The following MPP7 variants were observed in gnomAD, a reference collection of about 807,000 sequenced individuals.
MPP7 encodes MAGUK p55 subfamily member 7.
A neutral mutation model predicts 76.5 loss-of-function variants in MPP7; 60 were observed. The ratio of observed to expected loss-of-function variants is 0.78; its 90% CI spans 0.64 to 0.97. The LOEUF (loss-of-function observed/expected upper bound fraction) is 0.97. MPP7 is among the 50% of genes least tolerant of loss of function. The pLI is 0.00. For synonymous variants in MPP7, 237 were observed against 244.5 expected, an observed-to-expected ratio of 0.97 and a Z score of 0.29; for missense variants, 641 against 694.0, an observed-to-expected ratio of 0.92 and a Z score of 0.86.
chr10:28,213,585 G>C (rs1838213786), intron 2 of MPP7, among the ~76,000 whole-genome samples: 1 of 151,914 alleles, frequency 6.6e-6, no homozygotes, highest in Admixed American at 6.6e-5. Flanking sequence ...AAGAGGTCAG[G>C]AGTTCAAGAC....
intron 3 of MPP7, among the ~76,000 whole-genome samples, chr10:28,164,332 G>A (rs1408216359): frequency 6.6e-6 from 1 of 151,940 alleles, no homozygotes; most frequent in Non-Finnish European, 1.5e-5. Flanking sequence ...CTTTTTAATG[G>A]TGAGCTCACC....
chr10:28,208,397 T>C (rs1013233309), intron 2 of MPP7, among the ~76,000 whole-genome samples: 5 of 152,108 alleles, frequency 3.3e-5, no homozygotes, highest in African/African-American at 7.2e-5. Flanking sequence ...GGGGTGTATA[T>C]AACAGTGACA....
At chr10:28,153,496 C>T (rs1206613613) in intron 3 of MPP7, among the ~76,000 whole-genome samples, 1 of 152,072 alleles carries the variant, frequency 6.6e-6, no homozygotes, top group East Asian at 1.9e-4. Context: ...AATCTATATA[C>T]ATTATGCTCT....
At chr10:28,229,846 G>A (rs1344807934) in intron 2 of MPP7, among the ~76,000 whole-genome samples, 1 of 151,180 alleles carries the variant, frequency 6.6e-6, no homozygotes, top group Non-Finnish European at 1.5e-5. Flanking sequence ...CTGAGATCAC[G>A]CCACTGCACT....
chr10:28,114,921 CAGTT>C (rs1392077064), intron 11 of MPP7, among the ~76,000 whole-genome samples: 1 of 152,184 alleles, frequency 6.6e-6, no homozygotes, highest in African/African-American at 2.4e-5. Flanking sequence ...TGAGCAGTAA[CAGTT>C]AGAAGGTTCT....
At chr10:28,121,669 G>A (rs1834845670) in intron 8 of MPP7, among the ~76,000 whole-genome samples, 1 of 152,000 alleles carries the variant, frequency 6.6e-6, no homozygotes, top group Non-Finnish European at 1.5e-5. Flanking sequence ...CATAAGATAT[G>A]TTACTCCTGC....
At chr10:28,259,877 G>A (rs1175248629) in intron 1 of MPP7, among the ~76,000 whole-genome samples, 1 of 151,848 alleles carries the variant, frequency 6.6e-6, no homozygotes, top group Non-Finnish European at 1.5e-5. Flanking sequence ...CAACTGCTCA[G>A]GAGGCTGAGG....
chr10:28,291,775 T>C (rs1215326555), intron 1 of MPP7, among the ~76,000 whole-genome samples: 1 of 152,240 alleles, frequency 6.6e-6, no homozygotes, highest in Non-Finnish European at 1.5e-5. Flanking sequence ...TGAAGCTGTG[T>C]TATTACAAAA....
intron 2 of MPP7, among the ~76,000 whole-genome samples, chr10:28,212,319 G>A (rs73608071): frequency 0.1 from 15,820 of 152,088 alleles, 1,417 homozygotes; most frequent in East Asian, 0.4. Flanking sequence ...GATTTTCAAG[G>A]AAGAACTTAA....
At chr10:28,128,160 C>A (rs991317055) in intron 6 of MPP7, among the ~76,000 whole-genome samples, 1 of 152,004 alleles carries the variant, frequency 6.6e-6, no homozygotes, top group African/African-American at 2.4e-5. Context: ...GGGGCACAAC[C>A]TAGGAGGACC....
In MPP7 at chr10:28,231,948, A is replaced by G. The variant is rs910758601; in HGVS notation, c.37+6620T>C. Among the ~76,000 whole-genome samples the G allele has an allele frequency of 7.2e-4, 109 of 152,208 alleles. 5 individuals carry two copies. Among genetic ancestry groups the G allele is most frequent in the Non-Finnish European group, 4.4e-5 (3 of 68,032 alleles). On this transcript the variant is annotated intron_variant, in intron 2 of 16. Coordinates refer to ENST00000683449, the MANE Select transcript of MPP7 (RefSeq NM_001318170.2). The stretch of plus-strand genomic sequence containing the variant: ...CAACTGAACTCACTCATCAACATAG[A>G]TCTCAAAATTCTAAACAAAATACGA...
intron 4 of MPP7, among the ~76,000 whole-genome samples, 184 bp downstream of exon 4, chr10:28,149,798 A>G (rs542774191): frequency 6.6e-5 from 10 of 152,364 alleles, no homozygotes; most frequent in African/African-American, 2.2e-4. Context: ...TTAGAACAGA[A>G]AAGTGAATGG....
At chr10:28,306,715 TGATA>T (rs1350059151), upstream of MPP7, among the ~76,000 whole-genome samples, 2 of 148,650 alleles carry the variant, frequency 1.3e-5, no homozygotes, top group Admixed American at 6.7e-5. Context: ...GATAGATAGA[TGATA>T]GATAATAGAT....
intron 12 of MPP7, among the ~76,000 whole-genome samples, chr10:28,075,657 A>G (rs1852449972): frequency 1.3e-5 from 2 of 151,884 alleles, no homozygotes; most frequent in Admixed American, 6.6e-5. Flanking sequence ...TTTTATGCAC[A>G]CTCCTGTCTT....
intron 6 of MPP7, among the ~76,000 whole-genome samples, chr10:28,125,486 G>A (rs1427852155): frequency 6.6e-6 from 1 of 151,944 alleles, no homozygotes. Context: ...GTGGAATAGT[G>A]ACAATTACAC....
intron 2 of MPP7, among the ~76,000 whole-genome samples, chr10:28,234,879 C>T (rs1001861431): frequency 1.1e-4 from 17 of 152,322 alleles, no homozygotes; most frequent in African/African-American, 3.8e-4. Flanking sequence ...GGTGTGATCA[C>T]TGCTCACTGC....
intron 3 of MPP7, among the ~76,000 whole-genome samples, chr10:28,160,453 GT>G (rs1346606359): frequency 6.6e-6 from 1 of 152,174 alleles, no homozygotes; most frequent in Non-Finnish European, 1.5e-5. Context: ...AGCATGAGCA[GT>G]TTTACCCATC....
chr10:28,178,694 G>T (rs756830096), intron 3 of MPP7, among the ~76,000 whole-genome samples: 8 of 151,978 alleles, frequency 5.3e-5, no homozygotes, highest in Non-Finnish European at 1.2e-4. Context: ...TCTATCTAAA[G>T]GGTTGCTGGA....
rs1267023474 is a variant in MPP7, at chr10:28,052,695, AT to A, written c.*1369del. The A allele has an allele frequency of 2.0e-5, 3 of 152,380 alleles. No homozygotes were observed. The highest frequency in any genetic ancestry group is 7.2e-5 in the African/African-American group (3 of 41,456). The allele number at this position is 152,380 out of a possible 1,614,324, so 9.4% of individuals were successfully genotyped here. A position where few individuals can be genotyped will look rare whatever the true frequency, so the allele number is the denominator to read the frequency against. On this transcript the variant is annotated 3_prime_UTR_variant, in exon 17 of 17. Coordinates refer to ENST00000683449, the MANE Select transcript of MPP7 (RefSeq NM_001318170.2). ...ATATTTAAAAAAATATGCCTTTAAA[AT>A]ATTTCATAAATATATAGAATTTTAC... is the stretch of plus-strand genomic sequence containing the variant.
Sources: allele counts gnomAD v4.1 joint callset (sites outside exome capture counted in the v4.1 genomes callset), GRCh38; gene constraint gnomAD v4.1.1; transcripts MANE v1.5; gene names NCBI Gene and HGNC (gene_info 2026-07-23, HGNC 2026-07-21).